PARD3B: variants seen among roughly 807,000 people sequenced by gnomAD.
The protein encoded by PARD3B is partitioning defective 3 homolog B.
A neutral mutation model predicts 130.2 loss-of-function variants in PARD3B; 103 were observed. The observed-to-expected ratio is 0.79, with a 90% CI of 0.67 to 0.93. PARD3B has a LOEUF of 0.93. PARD3B is among the 40% of genes least tolerant of loss of function. PARD3B has a pLI of 0.00. For missense variants in PARD3B, 1,609 were observed against 1,499.2 expected (o/e 1.07, Z -1.21); for synonymous variants, 583 against 553.2 (o/e 1.05, Z -0.76).
chr2:204,805,461 C>T lies in PARD3B; in HGVS notation c.222+119179C>T, dbSNP rs73066651. 6.3e-3 allele frequency among the ~76,000 whole-genome samples: 959 copies of T among 152,118 alleles called. 9 individuals carry two copies. Among genetic ancestry groups the T allele is most frequent in the African/African-American group, 0.021 (889 of 41,526 alleles). ...CAAAGAAAAGCCTGGGACCTGGTGG[C>T]TTCTGTACTGAATTTCACCAAACAT... On this transcript the variant is annotated intron_variant, in intron 2 of 22. Coordinates refer to ENST00000406610, the MANE Select transcript of PARD3B (RefSeq NM_001302769.2).
chr2:204,727,926 A>G (rs1481676091), intron 2 of PARD3B, among the ~76,000 whole-genome samples: 1 of 152,112 alleles, frequency 6.6e-6, no homozygotes, highest in Admixed American at 6.6e-5. Flanking sequence ...CCAGGAAGGA[A>G]TGCTGGTGGG....
rs2047970450 is a variant in PARD3B, at chr2:205,448,089, G to A, written c.3044+7417G>A. On this transcript the variant is annotated intron_variant, in intron 20 of 22. Coordinates refer to ENST00000406610, the MANE Select transcript of PARD3B (RefSeq NM_001302769.2). The stretch of plus-strand genomic sequence containing the variant: ...TAGAAAACACAGCAAATGACCTTGA[G>A]AAGTTTCTTGTATAATCATTTCTTC... Among the ~76,000 whole-genome samples the A allele has an allele frequency of 1.3e-5, 2 of 152,192 alleles. 1 individual carries two copies. Among genetic ancestry groups the A allele is most frequent in the South Asian group, 4.1e-4 (2 of 4,832 alleles).
rs1462390656 is a variant in PARD3B at position 205,469,415 on chromosome 2, G to C, written c.3044+28743G>C. Among the ~76,000 whole-genome samples the C allele has an allele frequency of 2.6e-5, 4 of 152,062 alleles. No homozygotes were observed. The East Asian group carries it at 5.8e-4, about 22-fold the overall frequency. ...ATCCCACATGTTTCTCCTGGTCTTT[G>C]GTTCTCACCACTGGGCAAGGTATTC... On this transcript the variant is annotated intron_variant, in intron 20 of 22. Transcript: ENST00000406610.
At chr2:205,594,303 T>A (rs1441616725) in intron 22 of PARD3B, among the ~76,000 whole-genome samples, 1 of 152,180 alleles carries the variant, frequency 6.6e-6, no homozygotes, top group Non-Finnish European at 1.5e-5. Flanking sequence ...TGGAGTTATT[T>A]AGGGATAATT....
chr2:205,177,411 G>A (rs2035535627), intron 13 of PARD3B, among the ~76,000 whole-genome samples: 1 of 152,166 alleles, frequency 6.6e-6, no homozygotes, highest in Admixed American at 6.5e-5. Flanking sequence ...TGAAATGTAT[G>A]TAATGTTTAG....
chr2:205,172,126 T>A (rs919878792), intron 11 of PARD3B, 85 bp from the exon 12 acceptor site: 1 of 1,381,772 alleles, frequency 7.2e-7, no homozygotes, highest in African/African-American at 1.5e-5. Context: ...TTTTTCATTT[T>A]TAAACTTGAA....
chr2:204,992,292 A>C (rs1351438091), intron 3 of PARD3B, among the ~76,000 whole-genome samples: 1 of 142,166 alleles, frequency 7.0e-6, no homozygotes, highest in African/African-American at 2.6e-5. Flanking sequence ...AGCTTTCTAC[A>C]TATGGCTAGC....
Position 205,071,118 on chromosome 2 carries a change from A to G in PARD3B, c.504+23428A>G, listed in dbSNP as rs58976312. On this transcript the variant is annotated intron_variant, in intron 4 of 22. Transcript: ENST00000406610. ...TTTGGCTTCTTTCTTATCACTGTGG[A>G]CTCAGCCTTTCATAAATACAGTGTG... 1.6e-3 allele frequency among the ~76,000 whole-genome samples: 236 copies of G among 152,240 alleles called. 1 individual carries two copies. The highest frequency in any genetic ancestry group is 5.3e-3 in the African/African-American group (219 of 41,552).
In PARD3B at chr2:205,294,763, C is replaced by T. The variant is rs144717006; in HGVS notation, c.2186-5767C>T. ...TTTGTGAGACTTAAAAGAAAAATTC[C>T]ACTCTTGGAGAACTTGGAAATTGCC... On this transcript the variant is annotated intron_variant, in intron 16 of 22. Transcript: ENST00000406610. Among the ~76,000 whole-genome samples, 461 of 152,194 alleles carry T rather than the reference C, an allele frequency of 3.0e-3. 5 individuals carry two copies. Among genetic ancestry groups the T allele is most frequent in the African/African-American group, 0.01 (428 of 41,548 alleles).
chr2:205,391,335 T>C (rs1221280787), intron 18 of PARD3B, among the ~76,000 whole-genome samples: 1 of 152,224 alleles, frequency 6.6e-6, no homozygotes, highest in Non-Finnish European at 1.5e-5. Flanking sequence ...TTTAAGGCAG[T>C]GTTAGGGCTT....
chr2:205,276,412 A>T lies in PARD3B; in HGVS notation c.2186-24118A>T, dbSNP rs2040950169. On this transcript the variant is annotated intron_variant, in intron 16 of 22. Coordinates refer to ENST00000406610, the MANE Select transcript of PARD3B (RefSeq NM_001302769.2). The surrounding 1 kb of genome is among the most constrained non-coding windows in gnomAD (Gnocchi z 5.0). ...ATTTTCCTCCTTTCTTTTCTTATTT[A>T]TCCTTAACAGAAGAAACAACAAGTA... is the stretch of plus-strand genomic sequence containing the variant. 6.6e-6 allele frequency among the ~76,000 whole-genome samples: 1 copy of T among 152,184 alleles called. No homozygotes were observed. The highest frequency in any genetic ancestry group is 1.5e-5 in the Non-Finnish European group (1 of 68,038).
intron 4 of PARD3B, among the ~76,000 whole-genome samples, chr2:205,050,923 C>T (rs918004960): frequency 3.9e-5 from 6 of 152,016 alleles, no homozygotes; most frequent in African/African-American, 9.7e-5. Context: ...GGTTAGTGCC[C>T]GTTGTTCTGG....
chr2:204,992,084 A>C lies in PARD3B; in HGVS notation c.394+26761A>C, dbSNP rs1427991048. On this transcript the variant is annotated intron_variant, in intron 3 of 22. Coordinates refer to ENST00000406610, the MANE Select transcript of PARD3B (RefSeq NM_001302769.2). ...TGTGCAGAAGCTCTTTAGTTTAATT[A>C]GATCCCATTTGTCAATTTTGGCTTT... is the stretch of plus-strand genomic sequence containing the variant. 2.6e-5 allele frequency among the ~76,000 whole-genome samples: 4 copies of C among 151,896 alleles called. No homozygotes were observed. The East Asian group carries it at 7.7e-4, about 29-fold the overall frequency.
chr2:204,561,046 AT>A (rs2031277881), intron 1 of PARD3B, among the ~76,000 whole-genome samples: 1 of 151,998 alleles, frequency 6.6e-6, no homozygotes, highest in Non-Finnish European at 1.5e-5. Context: ...GGGTTCCGAG[AT>A]AACTAAGACA....
chr2:205,229,905 A>T lies in PARD3B; in HGVS notation c.2141-15873A>T, dbSNP rs1389181530. On this transcript the variant is annotated intron_variant, in intron 15 of 22. Transcript: ENST00000406610. The surrounding 1 kb of genome is among the most constrained non-coding windows in gnomAD (Gnocchi z 5.2). ...TCCCTCTTCTTTCCACAAGCAGAGG[A>T]CTCTCTCCCCACAGCCACCACCACC... is the stretch of plus-strand genomic sequence containing the variant. 6.6e-6 allele frequency among the ~76,000 whole-genome samples: 1 copy of T among 150,456 alleles called. No individual in the cohort carries two copies. Among genetic ancestry groups the T allele is most frequent in the Non-Finnish European group, 1.5e-5 (1 of 67,686 alleles).
intron 2 of PARD3B, among the ~76,000 whole-genome samples, chr2:204,692,912 G>C (rs1194525850): frequency 6.6e-6 from 1 of 152,016 alleles, no homozygotes; most frequent in African/African-American, 2.4e-5. Context: ...ATCCTACCCA[G>C]GAAGAGGTTA....
At chr2:204,742,016 A>G (rs965207525) in intron 2 of PARD3B, among the ~76,000 whole-genome samples, 1 of 152,156 alleles carries the variant, frequency 6.6e-6, no homozygotes, top group African/African-American at 2.4e-5. Context: ...CACTTCACCC[A>G]GGATCTACTT....
intron 2 of PARD3B, among the ~76,000 whole-genome samples, chr2:204,944,516 G>C (rs1291905633): frequency 1.3e-5 from 2 of 152,216 alleles, no homozygotes; most frequent in Non-Finnish European, 2.9e-5. Flanking sequence ...TCCTGTCTGA[G>C]GAAAGGGATC....
intron 16 of PARD3B, among the ~76,000 whole-genome samples, chr2:205,264,480 C>T (rs2040429236): frequency 6.6e-6 from 1 of 150,994 alleles, no homozygotes; most frequent in Admixed American, 6.6e-5. Flanking sequence ...AAATTGGATA[C>T]TAAGTTAAAT....
Sources: gnomAD v4.1 joint callset for allele counts (sites outside exome capture counted in the v4.1 genomes callset) on GRCh38, gnomAD v4.1.1 for gene constraint, Gnocchi (gnomAD v3.1) non-coding constraint, MANE v1.5 for transcripts, NCBI Gene and HGNC (gene_info 2026-07-23, HGNC 2026-07-21) for gene names.